The following PARD3 variants were observed in gnomAD, a reference collection of about 807,000 sequenced individuals.
The protein encoded by PARD3 is par-3 family cell polarity regulator.
In PARD3, 75 loss-of-function variants were observed where a neutral mutation model predicts 155.4. The observed-to-expected ratio is 0.48, with a 90% CI of 0.40 to 0.58. The LOEUF is 0.58. Among genes scored for constraint, PARD3 ranks in the 20% least tolerant of loss-of-function variants. The probability of loss-of-function intolerance (pLI) is 0.00; values close to 1 mark genes in which losing one functional copy is unlikely to be tolerated. For missense variants in PARD3, 1,642 were observed against 1,721.7 expected (o/e 0.95, Z 0.82); for synonymous variants, 576 against 610.5 (o/e 0.94, Z 0.83).
chr10:34,480,724 T>C (rs2079020068), intron 3 of PARD3, among the ~76,000 whole-genome samples: 1 of 152,098 alleles, frequency 6.6e-6, no homozygotes, highest in African/African-American at 2.4e-5. Flanking sequence ...TAAATAGATG[T>C]ATTCCAATAT....
chr10:34,284,729 T>A (rs1956305940), intron 20 of PARD3, among the ~76,000 whole-genome samples: 1 of 152,206 alleles, frequency 6.6e-6, no homozygotes, highest in Admixed American at 6.5e-5. Flanking sequence ...GTTTAAAAAC[T>A]GACAAAGGCC....
At chr10:34,384,629 G>A (rs1842164673) in intron 7 of PARD3, among the ~76,000 whole-genome samples, 1 of 152,160 alleles carries the variant, frequency 6.6e-6, no homozygotes, top group African/African-American at 2.4e-5. Context: ...TTTTAAGCCA[G>A]CTGGCACGCT....
chr10:34,639,694 CA>C (rs2092606050), intron 2 of PARD3, among the ~76,000 whole-genome samples: 1 of 152,126 alleles, frequency 6.6e-6, no homozygotes, highest in African/African-American at 2.4e-5. Flanking sequence ...CCCATTTCTA[CA>C]AAACATTTAA....
At chr10:34,270,762 G>T (rs1224484663) in intron 21 of PARD3, among the ~76,000 whole-genome samples, 1 of 152,110 alleles carries the variant, frequency 6.6e-6, no homozygotes, top group Non-Finnish European at 1.5e-5. Context: ...GATGCATACA[G>T]AAATGGAGAA....
intron 4 of PARD3, among the ~76,000 whole-genome samples, chr10:34,465,828 A>G (rs1240147932): frequency 1.3e-5 from 2 of 152,116 alleles, no homozygotes; most frequent in Admixed American, 6.5e-5. Flanking sequence ...TATCCCCGGC[A>G]CTGCATGGAA....
At chr10:34,696,017 G>C (rs1401253535) in intron 2 of PARD3, among the ~76,000 whole-genome samples, 1 of 152,160 alleles carries the variant, frequency 6.6e-6, no homozygotes, top group Non-Finnish European at 1.5e-5. Context: ...TGTTATGTTT[G>C]GTTAAATTAA....
At chr10:34,558,611 C>T (rs536842762) in intron 2 of PARD3, among the ~76,000 whole-genome samples, 2 of 152,274 alleles carry the variant, frequency 1.3e-5, no homozygotes, top group African/African-American at 4.8e-5. Flanking sequence ...ACACATTTAC[C>T]TTTACTCCAA....
intron 10 of PARD3, 46 bp downstream of exon 10, chr10:34,377,921 G>A: frequency 7.1e-7 from 1 of 1,418,428 alleles, no homozygotes. Flanking sequence ...CCTGGAAATG[G>A]AACATTTCAA....
chr10:34,814,570 C>T (rs1197919982), intron 1 of PARD3, among the ~76,000 whole-genome samples: 3 of 151,984 alleles, frequency 2.0e-5, no homozygotes, highest in African/African-American at 7.2e-5. Context: ...TCCGGGGAGG[C>T]GCCCAGGGCC....
At chr10:34,794,892 C>T (rs148892566) in intron 1 of PARD3, among the ~76,000 whole-genome samples, 3 of 152,344 alleles carry the variant, frequency 2.0e-5, no homozygotes, top group South Asian at 4.1e-4. Flanking sequence ...CACGCATATG[C>T]GCACATACAC....
At chr10:34,452,499 A>C (rs10827374) in intron 4 of PARD3, among the ~76,000 whole-genome samples, 18,967 of 152,218 alleles carry the variant, frequency 0.12, 1,451 homozygotes, top group Middle Eastern at 0.19. Flanking sequence ...TTGAAAAGAA[A>C]AAGATCTACT....
chr10:34,309,019 C>T (rs1310716882), intron 20 of PARD3, among the ~76,000 whole-genome samples: 1 of 152,130 alleles, frequency 6.6e-6, no homozygotes, highest in Non-Finnish European at 1.5e-5. Context: ...TGGACCCCGA[C>T]TTCCCAAGGA....
At chr10:34,210,418 T>G (rs1951688127) in intron 22 of PARD3, among the ~76,000 whole-genome samples, 1 of 152,148 alleles carries the variant, frequency 6.6e-6, no homozygotes, top group Non-Finnish European at 1.5e-5. Flanking sequence ...GTTGAGACAT[T>G]TGGTGGGCAG....
chr10:34,529,320 A>G (rs2133780845), intron 2 of PARD3, among the ~76,000 whole-genome samples: 1 of 152,314 alleles, frequency 6.6e-6, no homozygotes, highest in African/African-American at 2.4e-5. Flanking sequence ...AAGGATTTTG[A>G]GAACTGACTA....
chr10:34,773,843 T>C (rs994498638), intron 1 of PARD3, among the ~76,000 whole-genome samples: 11 of 152,140 alleles, frequency 7.2e-5, no homozygotes, highest in Admixed American at 1.3e-4. Context: ...CTCATAATTG[T>C]TTTGCATTTT....
rs2094679434 is a variant in PARD3, at chr10:34,725,105, T to TGTGTG, written c.121-28687_121-28686insCACAC. Among the ~76,000 whole-genome samples, 184 of 135,874 alleles carry TGTGTG rather than the reference T, an allele frequency of 1.4e-3. 1 individual carries two copies. Among genetic ancestry groups the TGTGTG allele is most frequent in the African/African-American group, 4.9e-3 (174 of 35,726 alleles). 89.1% of individuals were successfully genotyped at this position (135,874 alleles called of 152,430 possible). A position where few individuals can be genotyped will look rare whatever the true frequency, so the allele number is the denominator to read the frequency against. On this transcript the variant is annotated intron_variant, in intron 1 of 24. Coordinates refer to ENST00000374788, the MANE Select transcript of PARD3 (RefSeq NM_001184785.2). ...TAAAAGGATTGAATGAGTCAAAACT[T>TGTGTG]TGTGTGTGTGTGTGTGTGTGTGTGT...
chr10:34,118,485 C>T (rs1014618757), intron 24 of PARD3, among the ~76,000 whole-genome samples: 2 of 152,208 alleles, frequency 1.3e-5, no homozygotes, highest in African/African-American at 4.8e-5. Context: ...GCTGGGATTA[C>T]AGGCATGTGC....
At chr10:34,488,959 C>G (rs2079678478) in intron 3 of PARD3, 1 of 152,914 alleles carries the variant, frequency 6.5e-6, no homozygotes, top group Non-Finnish European at 1.5e-5. Context: ...GCGCCCACAG[C>G]CCAGCATGCC....
At chr10:34,165,918 G>C (rs984957780) in intron 22 of PARD3, among the ~76,000 whole-genome samples, 2 of 152,084 alleles carry the variant, frequency 1.3e-5, no homozygotes, top group Admixed American at 1.3e-4. Flanking sequence ...TGAATATGTT[G>C]ACAACATTTT....
Sources: allele counts gnomAD v4.1 joint callset (sites outside exome capture counted in the v4.1 genomes callset), GRCh38; gene constraint gnomAD v4.1.1; transcripts MANE v1.5; gene names NCBI Gene and HGNC (gene_info 2026-07-23, HGNC 2026-07-21).